Variants in MALRD1 observed in about 807,000 individuals in gnomAD.
MALRD1 encodes the protein MAM and LDL receptor class A domain containing 1, also known as MAM and LDL-receptor class A domain-containing protein 1.
Under a neutral mutation model 242.1 loss-of-function variants are expected in MALRD1, and 247 were observed. The ratio of observed to expected loss-of-function variants is 1.02; its 90% CI spans 0.92 to 1.13. The LOEUF (loss-of-function observed/expected upper bound fraction) is 1.13, where lower values mean the gene tolerates loss of function less well. Ranked by LOEUF, MALRD1 falls within the 50% of genes most tolerant of loss-of-function variation. The pLI, the probability that MALRD1 is intolerant of heterozygous loss-of-function variation, is 0.00. For synonymous variants in MALRD1, 995 were observed against 866.6 expected (o/e 1.15, Z -2.60); for missense variants, 2,989 against 2,533.1 (o/e 1.18, Z -3.86).
rs1846390304 is a variant in MALRD1, at chr10:19,392,686, A to G, written c.4845+3077A>G. On this transcript the variant is annotated intron_variant, in intron 28 of 39. Coordinates refer to ENST00000454679, the MANE Select transcript of MALRD1 (RefSeq NM_001142308.3). ...TAAGTTTTGTGTCTTCAGTCAAGCAATGGGTGAATAATAAGAGGATCAAAA... is the reference window on the plus strand; with the variant it reads ...TAAGTTTTGTGTCTTCAGTCAAGCAGTGGGTGAATAATAAGAGGATCAAAA... Among the ~76,000 whole-genome samples, 3 of 152,182 alleles carry G rather than the reference A, an allele frequency of 2.0e-5. No individual in the cohort carries two copies. In the South Asian group the frequency reaches 6.2e-4, roughly 31 times the overall value.
intron 34 of MALRD1, among the ~76,000 whole-genome samples, chr10:19,600,707 C>T (rs189262128): frequency 1.3e-5 from 2 of 152,008 alleles, no homozygotes; most frequent in Middle Eastern, 3.2e-3. Context: ...CAACGATAAT[C>T]GATTAAGAAA....
At chr10:19,257,179 A>G (rs546408312) in intron 18 of MALRD1, among the ~76,000 whole-genome samples, 2 of 152,250 alleles carry the variant, frequency 1.3e-5, no homozygotes, top group East Asian at 3.9e-4. Context: ...AGCCAATTTC[A>G]TAAAGTGTTA....
At chr10:19,641,764 G>A (rs772093903) in intron 36 of MALRD1, among the ~76,000 whole-genome samples, 1 of 152,076 alleles carries the variant, frequency 6.6e-6, no homozygotes, top group Non-Finnish European at 1.5e-5. Context: ...GCTGGTACAA[G>A]CAGCATAAAT....
intron 28 of MALRD1, among the ~76,000 whole-genome samples, chr10:19,424,142 TG>T (rs1480631458): frequency 6.6e-6 from 1 of 152,156 alleles, no homozygotes; most frequent in African/African-American, 2.4e-5. Context: ...ACTTGTTCTT[TG>T]TTTTTCTTTA....
chr10:19,700,559 T>C (rs1434981042), intron 38 of MALRD1, among the ~76,000 whole-genome samples: 1 of 152,166 alleles, frequency 6.6e-6, no homozygotes, highest in Non-Finnish European at 1.5e-5. Flanking sequence ...TAAACTACCT[T>C]GTTGTGATAC....
At position 19,163,889 on chromosome 10, in the gene MALRD1, A is replaced by G. The variant is rs148819618; in HGVS notation, c.1657-1748A>G. On this transcript the variant is annotated intron_variant, in intron 12 of 39. Transcript: ENST00000454679. Reference sequence around the variant, plus strand: ...CATTGGCATTTATACTTAATACACTATTAAAATAACTTCACACTGGTGATG... The same window carrying G: ...CATTGGCATTTATACTTAATACACTGTTAAAATAACTTCACACTGGTGATG... 3.0e-3 allele frequency among the ~76,000 whole-genome samples: 454 copies of G among 152,344 alleles called. 2 individuals carry two copies. The highest frequency in any genetic ancestry group is 0.01 in the African/African-American group (435 of 41,576).
chr10:19,453,458 C>T (rs909775453), intron 29 of MALRD1, among the ~76,000 whole-genome samples: 23 of 152,104 alleles, frequency 1.5e-4, no homozygotes, highest in African/African-American at 5.3e-4. Flanking sequence ...TGTACAACTT[C>T]ATAAACATAT....
intron 26 of MALRD1, among the ~76,000 whole-genome samples, chr10:19,355,356 A>T (rs1445839268): frequency 6.6e-6 from 1 of 152,058 alleles, no homozygotes; most frequent in Non-Finnish European, 1.5e-5. Context: ...AGCAAAGAAT[A>T]AACAAGAATT....
chr10:19,522,557 C>T (rs1833929444), intron 31 of MALRD1, among the ~76,000 whole-genome samples: 3 of 152,058 alleles, frequency 2.0e-5, no homozygotes, highest in African/African-American at 7.2e-5. Context: ...AGTGGTAGTA[C>T]CCCATTAGGA....
intron 33 of MALRD1, among the ~76,000 whole-genome samples, chr10:19,593,631 C>T (rs1253792873): frequency 6.6e-6 from 1 of 152,134 alleles, no homozygotes; most frequent in East Asian, 1.9e-4. Flanking sequence ...AGAAGCATCC[C>T]ACTAATCACC....
rs139891325 is a variant in MALRD1 at position 19,724,399 on chromosome 10, A to G, written c.6315-6307A>G. ...AAAAGTGTATTTTAAAAATTAACAA[A>G]CTTGCAATGTGTGTAAAAAGATGTT... On this transcript the variant is annotated intron_variant, in intron 38 of 39. Transcript: ENST00000454679. 3.1e-3 allele frequency among the ~76,000 whole-genome samples: 476 copies of G among 152,346 alleles called. 2 individuals carry two copies. Among genetic ancestry groups the G allele is most frequent in the African/African-American group, 0.011 (466 of 41,590 alleles).
At chr10:19,539,852 T>TTGTGTG (rs1589217850) in intron 32 of MALRD1, among the ~76,000 whole-genome samples, 8 of 64,370 alleles carry the variant, frequency 1.2e-4, no homozygotes, top group African/African-American at 3.5e-4. Flanking sequence ...ACACCCAGCT[T>TTGTGTG]TGTGCGTGTG....
At chr10:19,419,394 A>C (rs1285782230) in intron 28 of MALRD1, among the ~76,000 whole-genome samples, 1 of 152,192 alleles carries the variant, frequency 6.6e-6, no homozygotes, top group Non-Finnish European at 1.5e-5. Context: ...TCCCGGGTTC[A>C]AGTGATTCTC....
chr10:19,284,235 A>G (rs893303237), intron 21 of MALRD1, among the ~76,000 whole-genome samples: 2 of 146,918 alleles, frequency 1.4e-5, no homozygotes, highest in African/African-American at 2.5e-5. Context: ...GCATGTTTGT[A>G]TTTTACATAC....
chr10:19,540,620 G>T (rs1410295832), intron 32 of MALRD1, among the ~76,000 whole-genome samples: 1 of 152,024 alleles, frequency 6.6e-6, no homozygotes, highest in African/African-American at 2.4e-5. Context: ...TGCTAAAAAG[G>T]CTCTGGTTAT....
At chr10:19,289,164 A>G (rs1841286870) in intron 21 of MALRD1, among the ~76,000 whole-genome samples, 1 of 152,222 alleles carries the variant, frequency 6.6e-6, no homozygotes, top group Non-Finnish European at 1.5e-5. Flanking sequence ...AATAAACTAC[A>G]TCTTATGAAT....
At chr10:19,330,174 G>C (rs1355838429) in intron 23 of MALRD1, among the ~76,000 whole-genome samples, 1 of 150,984 alleles carries the variant, frequency 6.6e-6, no homozygotes, top group Non-Finnish European at 1.5e-5. Flanking sequence ...TTCTTTCCAA[G>C]CTCACCTACT....
At chr10:19,679,061 T>A (rs1264119366) in intron 36 of MALRD1, among the ~76,000 whole-genome samples, 1 of 152,184 alleles carries the variant, frequency 6.6e-6, no homozygotes. Flanking sequence ...AGTTTGCCAG[T>A]ATTTTGTTGA....
chr10:19,270,171 A>G (rs572605180), intron 19 of MALRD1, among the ~76,000 whole-genome samples: 35 of 151,976 alleles, frequency 2.3e-4, no homozygotes, highest in Non-Finnish European at 5.0e-4. Context: ...AAAAACTTAG[A>G]TGGGCATGGT....
Sources: allele counts gnomAD v4.1 joint callset (sites outside exome capture counted in the v4.1 genomes callset), GRCh38; gene constraint gnomAD v4.1.1; transcripts MANE v1.5; gene names NCBI Gene and HGNC (gene_info 2026-07-23, HGNC 2026-07-21).